Variants in DGKI observed in about 807,000 individuals in gnomAD.
DGKI encodes diacylglycerol kinase iota.
DGKI carries 55 observed loss-of-function variants against 147.5 expected under a neutral mutation model. That is an observed-to-expected ratio of 0.37 (90% CI 0.30 to 0.47). DGKI has a LOEUF of 0.47. Ranked by LOEUF, DGKI falls within the 20% of genes least tolerant of loss-of-function variation. The pLI, the probability that DGKI is intolerant of heterozygous loss-of-function variation, is 1.00. For synonymous variants in DGKI, 469 were observed against 477.1 expected, an observed-to-expected ratio of 0.98 and a Z score of 0.22; for missense variants, 1,007 against 1,323.8, an observed-to-expected ratio of 0.76 and a Z score of 3.71.
chr7:137,487,741 T>C (rs1281333799), intron 21 of DGKI, 52 bp from the exon 22 acceptor site: 6 of 1,516,140 alleles, frequency 4.0e-6, no homozygotes, highest in South Asian at 1.1e-5. Context: ...GATTTTTCTA[T>C]ATCAGCATAA....
chr7:137,572,947 C>T, intron 17 of DGKI, 109 bp from the exon 18 acceptor site: 1 of 717,642 alleles, frequency 1.4e-6, no homozygotes, highest in East Asian at 2.6e-5. Context: ...TTCTCCTTGC[C>T]CTATCTCTGC....
At chr7:137,574,222 AATTTT>A (rs1223789159) in intron 17 of DGKI, among the ~76,000 whole-genome samples, 1 of 152,220 alleles carries the variant, frequency 6.6e-6, no homozygotes, top group Non-Finnish European at 1.5e-5. Flanking sequence ...GAAATCTTAC[AATTTT>A]AAATAAACAA....
intron 27 of DGKI, among the ~76,000 whole-genome samples, chr7:137,448,790 TAAAGAA>T (rs1306914664): frequency 6.6e-6 from 1 of 151,590 alleles, no homozygotes; most frequent in Admixed American, 6.6e-5. Context: ...AATGTAAACT[TAAAGAA>T]GAAAAATGAT....
At chr7:137,564,588 G>T (rs770171242) in intron 19 of DGKI, among the ~76,000 whole-genome samples, 21 of 151,822 alleles carry the variant, frequency 1.4e-4, no homozygotes, top group Non-Finnish European at 2.7e-4. Context: ...AAACAAAATG[G>T]TAACAATAAA....
intron 27 of DGKI, among the ~76,000 whole-genome samples, chr7:137,451,926 C>T (rs1813980929): frequency 6.6e-6 from 1 of 152,104 alleles, no homozygotes; most frequent in Non-Finnish European, 1.5e-5. Context: ...TCCTACTTGG[C>T]CCTTCCTCAG....
At chr7:137,815,276 T>C (rs983876053) in intron 1 of DGKI, among the ~76,000 whole-genome samples, 4 of 152,174 alleles carry the variant, frequency 2.6e-5, no homozygotes, top group African/African-American at 9.7e-5. Context: ...GTCTTCCATA[T>C]GTGAAGCCAA....
chr7:137,837,455 T>C (rs1352033427), intron 1 of DGKI, among the ~76,000 whole-genome samples: 2 of 152,164 alleles, frequency 1.3e-5, no homozygotes, highest in Admixed American at 1.3e-4. Flanking sequence ...TCCTGGAATA[T>C]TGTGAGAAAA....
At position 137,578,326 on chromosome 7, in the gene DGKI, C is replaced by T; in HGVS notation, c.1643-1G>A. On this transcript the variant is annotated splice_acceptor_variant, in intron 15 of 32. Coordinates refer to ENST00000614521, the MANE Select transcript of DGKI (RefSeq NM_001321708.2). LOFTEE classifies it high-confidence loss of function. Reference sequence around the variant, plus strand: ...CTGTTGAATTTCTCTGGATTTGCTTCTGTGAAAGAGGAAAAGTAGTTTTGT... The same window carrying T: ...CTGTTGAATTTCTCTGGATTTGCTTTTGTGAAAGAGGAAAAGTAGTTTTGT... 1 of 1,613,212 alleles carries T rather than the reference C, an allele frequency of 6.2e-7. No individual in the cohort carries two copies. Among genetic ancestry groups the T allele is most frequent in the African/African-American group, 1.3e-5 (1 of 75,018 alleles).
At chr7:137,471,278 A>C (rs1156347046) in intron 23 of DGKI, among the ~76,000 whole-genome samples, 1 of 152,130 alleles carries the variant, frequency 6.6e-6, no homozygotes, top group Non-Finnish European at 1.5e-5. Context: ...AAATGTAGGG[A>C]GCAGCACTGG....
chr7:137,722,879 T>C (rs1016088374), intron 1 of DGKI: 16 of 780,588 alleles, frequency 2.0e-5, no homozygotes, highest in Admixed American at 1.5e-4. Flanking sequence ...AATTAAATAG[T>C]TGACTACGTT....
chr7:137,502,188 T>G (rs1816198384), intron 21 of DGKI, among the ~76,000 whole-genome samples: 3 of 152,166 alleles, frequency 2.0e-5, no homozygotes, highest in Admixed American at 1.3e-4. Flanking sequence ...ATACAGGGCC[T>G]AAGCCTGGGG....
intron 1 of DGKI, among the ~76,000 whole-genome samples, chr7:137,780,494 T>A (rs1019145259): frequency 6.6e-6 from 1 of 152,176 alleles, no homozygotes; most frequent in Non-Finnish European, 1.5e-5. Context: ...AAGGGCACCC[T>A]GGAAAAGGAA....
At chr7:137,663,027 G>T (rs2116303151) in intron 3 of DGKI, among the ~76,000 whole-genome samples, 1 of 152,260 alleles carries the variant, frequency 6.6e-6, no homozygotes, top group Non-Finnish European at 1.5e-5. Flanking sequence ...GTAGATGCTG[G>T]GTATCTGGAA....
At chr7:137,400,194 C>T (rs1811700919) in intron 30 of DGKI, among the ~76,000 whole-genome samples, 1 of 152,192 alleles carries the variant, frequency 6.6e-6, no homozygotes, top group Non-Finnish European at 1.5e-5. Flanking sequence ...CAACAGGGCA[C>T]TCTTCACGTC....
At chr7:137,689,147 G>C (rs1486261292) in intron 2 of DGKI, among the ~76,000 whole-genome samples, 1 of 152,150 alleles carries the variant, frequency 6.6e-6, no homozygotes, top group African/African-American at 2.4e-5. Flanking sequence ...AACTAAAAGT[G>C]CTAAACAAGG....
At position 137,412,223 on chromosome 7, in the gene DGKI, G is replaced by C; in HGVS notation, c.2762-16C>G. On this transcript the variant is annotated splice_polypyrimidine_tract_variant and intron_variant, in intron 28 of 32. Coordinates refer to ENST00000614521, the MANE Select transcript of DGKI (RefSeq NM_001321708.2). ...TGCAAAATTGCTGTGAAAGACAAAA[G>C]AGAGATGTCCCATTAGTAGAAGACC... 1 of 1,611,910 alleles carries C rather than the reference G, an allele frequency of 6.2e-7. No homozygotes were observed. Among genetic ancestry groups the C allele is most frequent in the Non-Finnish European group, 8.5e-7 (1 of 1,178,076 alleles).
At chr7:137,608,094 C>T (rs1250155954) in intron 10 of DGKI, among the ~76,000 whole-genome samples, 1 of 152,120 alleles carries the variant, frequency 6.6e-6, no homozygotes, top group Admixed American at 6.5e-5. Flanking sequence ...TGGGTCAATC[C>T]TATTTATACA....
chr7:137,416,926 A>C (rs1812382674), intron 28 of DGKI, among the ~76,000 whole-genome samples: 1 of 152,194 alleles, frequency 6.6e-6, no homozygotes, highest in Admixed American at 6.5e-5. Context: ...AATACACCCA[A>C]GGGTAGCTAT....
intron 28 of DGKI, among the ~76,000 whole-genome samples, chr7:137,427,750 C>T (rs1812881166): frequency 6.6e-6 from 1 of 152,078 alleles, no homozygotes; most frequent in African/African-American, 2.4e-5. Flanking sequence ...ATACAAACTA[C>T]CATCAGAGAA....
Sources: allele counts gnomAD v4.1 joint callset (sites outside exome capture counted in the v4.1 genomes callset), GRCh38; gene constraint gnomAD v4.1.1; transcripts MANE v1.5; gene names NCBI Gene and HGNC (gene_info 2026-07-23, HGNC 2026-07-21).